OR9Q1: variants seen among roughly 807,000 people sequenced by gnomAD.
OR9Q1 encodes the protein olfactory receptor 9Q1.
For missense variants in OR9Q1, 374 were observed against 378.8 expected, an observed-to-expected ratio of 0.99 and a Z score of 0.11; for synonymous variants, 153 against 148.6, an observed-to-expected ratio of 1.03 and a Z score of -0.22.
chr11:58,138,421 T>A (rs1854209523), intron 2 of OR9Q1, among the ~76,000 whole-genome samples: 1 of 152,188 alleles, frequency 6.6e-6, no homozygotes, highest in Non-Finnish European at 1.5e-5. Context: ...AGCAAAAAAG[T>A]AGGAATAAAT....
At chr11:58,148,205 A>G (rs1164318304) in intron 2 of OR9Q1, among the ~76,000 whole-genome samples, 1 of 152,170 alleles carries the variant, frequency 6.6e-6, no homozygotes, top group African/African-American at 2.4e-5. Context: ...GTGTAGGTGT[A>G]AATCTAAATT....
chr11:58,091,345 C>G (rs1853682537), intron 2 of OR9Q1, among the ~76,000 whole-genome samples: 1 of 152,116 alleles, frequency 6.6e-6, no homozygotes, highest in South Asian at 2.1e-4. Context: ...TATGTTGTCT[C>G]TTTGTTCTCA....
intron 2 of OR9Q1, among the ~76,000 whole-genome samples, chr11:58,162,315 C>A (rs1854464599): frequency 6.6e-6 from 1 of 152,184 alleles, no homozygotes; most frequent in Non-Finnish European, 1.5e-5. Context: ...TGTAATCATA[C>A]ATGGAAGGAG....
intron 2 of OR9Q1, among the ~76,000 whole-genome samples, chr11:58,104,075 T>C (rs1160891780): frequency 6.6e-6 from 1 of 152,190 alleles, no homozygotes; most frequent in Non-Finnish European, 1.5e-5. Flanking sequence ...CAAACATGCA[T>C]TGGCATCTAA....
chr11:58,039,134 A>G (rs183487698), intron 1 of OR9Q1, among the ~76,000 whole-genome samples: 5 of 152,126 alleles, frequency 3.3e-5, no homozygotes, highest in Admixed American at 3.3e-4. Flanking sequence ...GGACTATAGA[A>G]GCACACCACC....
intron 2 of OR9Q1, among the ~76,000 whole-genome samples, chr11:58,137,058 G>T (rs958907169): frequency 6.6e-6 from 1 of 152,162 alleles, no homozygotes; most frequent in Non-Finnish European, 1.5e-5. Flanking sequence ...ACTGTTATTG[G>T]GCTAATGCAG....
In OR9Q1 at chr11:58,179,619, A is replaced by G. The variant is rs1854640434; in HGVS notation, c.175A>G (p.Met59Val). 3.1e-6 allele frequency: 5 copies of G among 1,613,386 alleles called. No homozygotes were observed. The highest frequency in any genetic ancestry group is 1.7e-4 in the Middle Eastern group (1 of 6,056). The change falls in exon 3 of 3, where the codon ATG (methionine) becomes GTG (valine). Residue 59 changes from methionine (M) to valine (V), a missense_variant. Transcript: ENST00000335397. ...CATGGATCACCAGCTCCACGCTCCA[A>G]TGTATTTCCTTCTGAGTCACCTCGC... is the stretch of plus-strand genomic sequence containing the variant. ...ILMDHQLHAP[M>V]YFLLSHLAFM...
chr11:58,034,322 C>T (rs186337400), intron 1 of OR9Q1, among the ~76,000 whole-genome samples: 380 of 151,944 alleles, frequency 2.5e-3, no homozygotes, highest in African/African-American at 8.9e-3. Flanking sequence ...CTTCTGACCT[C>T]GTGATCTGCC....
At chr11:58,070,953 G>A (rs981556728) in intron 2 of OR9Q1, among the ~76,000 whole-genome samples, 3 of 152,200 alleles carry the variant, frequency 2.0e-5, no homozygotes, top group African/African-American at 7.2e-5. Context: ...CATGGCTGAC[G>A]CTGGCCTAGA....
chr11:58,055,800 T>TA (rs56345647), intron 1 of OR9Q1, 70 bp from the exon 2 acceptor site: 62 of 112,876 alleles, frequency 5.5e-4, no homozygotes, highest in East Asian at 1.3e-3. Context: ...ACTCTATCTC[T>TA]AAAAAAAAAA....
At chr11:58,036,303 C>A (rs192840985) in intron 1 of OR9Q1, among the ~76,000 whole-genome samples, 1 of 152,154 alleles carries the variant, frequency 6.6e-6, no homozygotes, top group African/African-American at 2.4e-5. Flanking sequence ...ACCTACTGCT[C>A]GGGAAAGAAT....
At chr11:58,138,340 G>A (rs936378108) in intron 2 of OR9Q1, among the ~76,000 whole-genome samples, 15 of 152,202 alleles carry the variant, frequency 9.9e-5, no homozygotes, top group Non-Finnish European at 1.9e-4. Context: ...GTTAAGCACA[G>A]TGAATTTGGA....
chr11:58,175,105 CAAAAAAA>C (rs57623932), intron 2 of OR9Q1, among the ~76,000 whole-genome samples: 2 of 69,298 alleles, frequency 2.9e-5, no homozygotes, highest in Non-Finnish European at 5.1e-5. Flanking sequence ...GACTCTGTCT[CAAAAAAA>C]AAAAAAAAAA....
chr11:58,065,033 C>T (rs1481723737), intron 2 of OR9Q1, among the ~76,000 whole-genome samples: 1 of 152,092 alleles, frequency 6.6e-6, no homozygotes, highest in Non-Finnish European at 1.5e-5. Context: ...CACACAGACT[C>T]ATTGTAGTGC....
intron 2 of OR9Q1, among the ~76,000 whole-genome samples, chr11:58,062,175 C>A (rs923377886): frequency 1.3e-5 from 2 of 152,212 alleles, no homozygotes; most frequent in Non-Finnish European, 2.9e-5. Flanking sequence ...CAGAAAGTGT[C>A]TATCTGAAGC....
chr11:58,031,352 C>T (rs1457347508), intron 1 of OR9Q1: 5 of 1,614,084 alleles, frequency 3.1e-6, no homozygotes, highest in Non-Finnish European at 4.2e-6. Flanking sequence ...TTGTATGCCT[C>T]TCCACTATGG....
At chr11:58,170,906 A>G (rs940158976) in intron 2 of OR9Q1, among the ~76,000 whole-genome samples, 1 of 152,126 alleles carries the variant, frequency 6.6e-6, no homozygotes, top group African/African-American at 2.4e-5. Flanking sequence ...TTAAAAATCT[A>G]TTTAGAAGTT....
In OR9Q1 at chr11:58,054,646, C is replaced by T. The variant is rs564568035; in HGVS notation, c.-92-1224C>T. Among the ~76,000 whole-genome samples the T allele has an allele frequency of 9.8e-5, 15 of 152,296 alleles. 1 individual carries two copies. The South Asian group carries it at 2.5e-3, about 25-fold the overall frequency. ...AATACTTGTGGCATAAAAATGCATG[C>T]GTTGAGGCCAGGTGTGGCGGCTCAT... On this transcript the variant is annotated intron_variant, in intron 1 of 2. Transcript: ENST00000335397.
At chr11:58,121,421 A>G (rs936987455) in intron 2 of OR9Q1, among the ~76,000 whole-genome samples, 11 of 152,168 alleles carry the variant, frequency 7.2e-5, no homozygotes, top group Non-Finnish European at 7.3e-5. Context: ...CTACTCTCCC[A>G]GGACCTGCCA....
Sources: gnomAD v4.1 joint callset for allele counts (sites outside exome capture counted in the v4.1 genomes callset) on GRCh38, gnomAD v4.1.1 for gene constraint, MANE v1.5 for transcripts, NCBI Gene and HGNC (gene_info 2026-07-23, HGNC 2026-07-21) for gene names.